BCL6: variants seen among roughly 807,000 people sequenced by gnomAD.
The protein encoded by BCL6 is B-cell lymphoma 6 protein.
In BCL6, 7 loss-of-function variants were observed where a neutral mutation model predicts 59.5. The ratio of observed to expected loss-of-function variants is 0.12; its 90% confidence interval spans 0.07 to 0.22. The LOEUF (loss-of-function observed/expected upper bound fraction) is 0.22. Ranked by LOEUF, BCL6 falls within the 10% of genes least tolerant of loss-of-function variation. The pLI is 1.00. For missense variants in BCL6, 685 were observed against 939.4 expected (o/e 0.73, Z 3.54); for synonymous variants, 339 against 349.7 (o/e 0.97, Z 0.34).
At position 187,725,529 on chromosome 3, in the gene BCL6, T is replaced by C; in HGVS notation, c.1809A>G (p.Lys603=). The change falls in exon 8 of 10, where the codon AAA becomes AAG. Residue 603 remains lysine (K), a synonymous_variant. Transcript: ENST00000406870. This position sits in a 1 kb window ranked among gnomAD's most constrained non-coding sequence, Gnocchi z 4.7. ...TRIHSGEKPY[K]CETCGARFVQ... Reference sequence around the variant, plus strand: ...CAAATCTGGCTCCGCAGGTTTCGCATTTGTAGGGCTTCTCTCCAGAGTGAA... The same window carrying C: ...CAAATCTGGCTCCGCAGGTTTCGCACTTGTAGGGCTTCTCTCCAGAGTGAA... 6.2e-7 allele frequency: 1 copy of C among 1,614,126 alleles called. No homozygotes were observed.
chr3:187,729,240 T>C lies in BCL6; in HGVS notation c.1165A>G (p.Asn389Asp), dbSNP rs1168767265. The C allele has an allele frequency of 1.2e-6, 2 of 1,614,166 alleles. No individual in the cohort carries two copies. Among genetic ancestry groups the C allele is most frequent in the Middle Eastern group, 1.7e-4 (1 of 6,060 alleles). Residue 389 changes from asparagine (N) to aspartate (D), a missense_variant, in exon 5 of 10, where the codon AAT becomes GAT. By Grantham distance (23) the Asn-to-Asp change is conservative. Around this residue, in one of 7 missense-constraint regions of BCL6, gnomAD observed 207 missense variants for 213.7 expected, o/e 0.97. Transcript: ENST00000406870. This position sits in a 1 kb window ranked among gnomAD's most constrained non-coding sequence, Gnocchi z 5.6. ...KFIVLNSLNQ[N>D]AKPEGPEQAE... ...TGCTCAGGCCCCTCTGGTTTGGCATTCTGGTTGAGGCTGTTGAGCACGATG... is the reference window on the plus strand; with the variant it reads ...TGCTCAGGCCCCTCTGGTTTGGCATCCTGGTTGAGGCTGTTGAGCACGATG...
chr3:187,728,390 T>G lies in BCL6; in HGVS notation c.1510A>C (p.Thr504Pro), dbSNP rs2108561778. Residue 504 changes from threonine (T) to proline (P), a missense_variant, in exon 6 of 10, where the codon ACC becomes CCC. Coordinates refer to ENST00000406870, the MANE Select transcript of BCL6 (RefSeq NM_001706.5). ...GPTFPEEMGE[T>P]QSEYSDSSCE... ...CTAGAATCTGAGTACTCAGACTGGG[T>G]CTCTCCCATCTCCTCAGGGAACGTG... 6.2e-7 allele frequency: 1 copy of G among 1,604,918 alleles called. No individual in the cohort carries two copies. Among genetic ancestry groups the G allele is most frequent in the Non-Finnish European group, 8.5e-7 (1 of 1,175,630 alleles).
intron 9 of BCL6, chr3:187,724,462 T>A (rs1718572574): frequency 6.4e-6 from 1 of 155,306 alleles, no homozygotes; most frequent in Non-Finnish European, 1.4e-5. Flanking sequence ...TCTTTATGTT[T>A]TTTTTTAATT....
chr3:187,744,905 A>G (rs566573680), intron 1 of BCL6, among the ~76,000 whole-genome samples: 6 of 152,160 alleles, frequency 3.9e-5, no homozygotes, highest in South Asian at 4.1e-4. Flanking sequence ...AGCAGCAGAA[A>G]GAGCGAGAGC....
Position 187,725,444 on chromosome 3 carries a change from T to TCGCCTGCCCGCTCCGCC in BCL6, c.1839+54_1839+55insGGCGGAGCGGGCAGGCG, listed in dbSNP as rs1256003177. 89 of 1,546,044 alleles carry TCGCCTGCCCGCTCCGCC rather than the reference T, an allele frequency of 5.8e-5. 2 individuals carry two copies. The Admixed American group carries it at 1.4e-3, about 24-fold the overall frequency. On this transcript the variant is annotated intron_variant, in intron 8 of 9. Transcript: ENST00000406870. This position sits in a 1 kb window ranked among gnomAD's most constrained non-coding sequence, Gnocchi z 4.7. ...TCCGCTTGCCTGCCCACTCCTCCGC[T>TCGCCTGCCCGCTCCGCC]CGCCTGCCCGCTCCGCTCGCCTGCC...
chr3:187,739,205 T>C (rs1025447959), intron 1 of BCL6, among the ~76,000 whole-genome samples: 1 of 152,166 alleles, frequency 6.6e-6, no homozygotes, highest in African/African-American at 2.4e-5. Context: ...CAAAGGGAAA[T>C]CTGAAAGTGT....
chr3:187,729,946 G>A lies in BCL6; in HGVS notation c.459C>T (p.Asp153=), dbSNP rs1480628780. Residue 153 remains aspartate (D), a synonymous_variant, in exon 5 of 10, where the codon GAC becomes GAT. Transcript: ENST00000406870. This position sits in a 1 kb window ranked among gnomAD's most constrained non-coding sequence, Gnocchi z 5.6. Reference sequence around the variant, plus strand: ...CCTCACGACCCCGATAGGCCATGATGTCTTGGGGCATCAGCATCCGGCTGT... The same window carrying A: ...CCTCACGACCCCGATAGGCCATGATATCTTGGGGCATCAGCATCCGGCTGT... ...FLNSRMLMPQ[D]IMAYRGREVV... is the part of the protein sequence containing the mutation. 6.2e-7 allele frequency: 1 copy of A among 1,612,808 alleles called. No individual in the cohort carries two copies. The highest frequency in any genetic ancestry group is 1.1e-5 in the South Asian group (1 of 90,938).
chr3:187,745,313 A>T (rs575362109), intron 1 of BCL6, 97 bp downstream of exon 1: 4 of 400,112 alleles, frequency 1.0e-5, no homozygotes, highest in African/African-American at 4.1e-5. Context: ...AAGGTAAAAT[A>T]ATGATCATGA....
At chr3:187,733,766 A>G in intron 2 of BCL6, 63 bp from the exon 3 acceptor site, 1 of 1,573,048 alleles carries the variant, frequency 6.4e-7, no homozygotes, top group Non-Finnish European at 8.7e-7. Context: ...TGCCACAGGT[A>G]TCAGAGCAGG....
Position 187,728,425 on chromosome 3 carries a change from G to A in BCL6, c.1475C>T (p.Thr492Ile). Residue 492 changes from threonine (T) to isoleucine (I), a missense_variant, in exon 6 of 10, where the codon ACC (threonine) becomes ATC (isoleucine). By Grantham distance (89) the Thr-to-Ile change is moderately conservative. Around this residue, in one of 7 missense-constraint regions of BCL6, gnomAD observed 207 missense variants for 213.7 expected, o/e 0.97. Coordinates refer to ENST00000406870, the MANE Select transcript of BCL6 (RefSeq NM_001706.5). ...CTCCTCAGGGAACGTGGGGCCAGCGGTGTGGAGGCACATCTCTGCATGCTG... is the reference window on the plus strand; with the variant it reads ...CTCCTCAGGGAACGTGGGGCCAGCGATGTGGAGGCACATCTCTGCATGCTG... ...SPQHAEMCLH[T>I]AGPTFPEEMG... is the part of the protein sequence containing the mutation. 6.2e-7 allele frequency: 1 copy of A among 1,612,452 alleles called. No homozygotes were observed. Among genetic ancestry groups the A allele is most frequent in the South Asian group, 1.1e-5 (1 of 90,612 alleles).
chr3:187,741,493 C>A (rs1711589982), intron 1 of BCL6, among the ~76,000 whole-genome samples: 1 of 144,520 alleles, frequency 6.9e-6, no homozygotes, highest in African/African-American at 2.5e-5. Context: ...CCTGGCAAAG[C>A]GGGGGAGTGG....
intron 1 of BCL6, among the ~76,000 whole-genome samples, chr3:187,744,842 A>G (rs1711829125): frequency 2.0e-5 from 3 of 152,204 alleles, no homozygotes; most frequent in South Asian, 2.1e-4. Context: ...GCGAGAAAAG[A>G]GGGAAAAAAC....
intron 3 of BCL6, among the ~76,000 whole-genome samples, chr3:187,732,133 CG>C (rs1719076934): frequency 6.6e-6 from 1 of 152,170 alleles, no homozygotes; most frequent in Admixed American, 6.5e-5. Flanking sequence ...CTCCTTACAA[CG>C]CTGCAAGGTA....
intron 1 of BCL6, among the ~76,000 whole-genome samples, chr3:187,739,800 C>T (rs1711527230): frequency 6.6e-6 from 1 of 151,980 alleles, no homozygotes; most frequent in African/African-American, 2.4e-5. Context: ...AAAAGGCTGG[C>T]GGGGGAGGGG....
chr3:187,725,456 TCCG>T lies in BCL6; in HGVS notation c.1839+40_1839+42del. 2 of 1,601,424 alleles carry T rather than the reference TCCG, an allele frequency of 1.2e-6. No homozygotes were observed. Among genetic ancestry groups the T allele is most frequent in the African/African-American group, 1.4e-5 (1 of 73,800 alleles). ...CCCACTCCTCCGCTCGCCTGCCCGC[TCCG>T]CTCGCCTGCCCGCTCCGCTCGCCTG... On this transcript the variant is annotated intron_variant, in intron 8 of 9. Coordinates refer to ENST00000406870, the MANE Select transcript of BCL6 (RefSeq NM_001706.5). This position sits in a 1 kb window ranked among gnomAD's most constrained non-coding sequence, Gnocchi z 4.7.
intron 1 of BCL6, 85 bp downstream of exon 1, chr3:187,745,325 C>T (rs1045261326): frequency 5.0e-6 from 2 of 401,214 alleles, no homozygotes; most frequent in South Asian, 1.2e-4. Context: ...TGATCATGAG[C>T]AGCGGCGGCG....
intron 5 of BCL6, 65 bp downstream of exon 5, chr3:187,728,985 A>G: frequency 6.7e-7 from 1 of 1,501,016 alleles, no homozygotes; most frequent in East Asian, 2.3e-5. Flanking sequence ...CAAGAAAAGA[A>G]GAAACGACAT....
At chr3:187,745,280 A>C (rs1576886741) in intron 1 of BCL6, 130 bp downstream of exon 1, 3 of 398,732 alleles carry the variant, frequency 7.5e-6, no homozygotes, top group African/African-American at 2.1e-5. Flanking sequence ...GCATTTGGCA[A>C]GAGCGGAAAA....
At chr3:187,738,370 A>C (rs1048167910) in intron 1 of BCL6, among the ~76,000 whole-genome samples, 1 of 152,280 alleles carries the variant, frequency 6.6e-6, no homozygotes, top group East Asian at 1.9e-4. Context: ...GAGAAAAACT[A>C]AACAGAAAGC....
Sources: allele counts gnomAD v4.1 joint callset (sites outside exome capture counted in the v4.1 genomes callset), GRCh38; gene constraint gnomAD v4.1.1; regional missense constraint gnomAD v4.1.1; non-coding constraint Gnocchi (gnomAD v3.1); transcripts MANE v1.5; gene names NCBI Gene and HGNC (gene_info 2026-07-23, HGNC 2026-07-21).